Variants in ADAMTSL1 observed in about 807,000 individuals in gnomAD.
The protein encoded by ADAMTSL1 is ADAMTS-like protein 1.
Under a neutral mutation model 201.8 loss-of-function variants are expected in ADAMTSL1, and 126 were observed. The ratio of observed to expected loss-of-function variants is 0.62; its 90% confidence interval spans 0.54 to 0.72. ADAMTSL1 has a LOEUF of 0.72. Ranked by LOEUF, ADAMTSL1 falls within the 30% of genes least tolerant of loss-of-function variation. The pLI is 0.00. For synonymous variants in ADAMTSL1, 1,121 were observed against 903.4 expected (o/e 1.24, Z -4.32); for missense variants, 2,679 against 2,277.8 (o/e 1.18, Z -3.59).
In ADAMTSL1 at chr9:18,145,237, G is replaced by A. The variant is rs1044764031; in HGVS notation, c.88-18625G>A. On this transcript the variant is annotated intron_variant, in intron 1 of 29. Coordinates refer to the ADAMTSL1 transcript ENST00000680146. ...TATATTAGTAACAAAAGAGTTGAGC[G>A]TTCTTAAGCAATACCCCATAGGTAT... Among the ~76,000 whole-genome samples the A allele has an allele frequency of 2.6e-5, 4 of 152,138 alleles. No homozygotes were observed. The South Asian group carries it at 6.2e-4, about 24-fold the overall frequency.
At chr9:18,821,905 A>G (rs2163999) in intron 21 of ADAMTSL1, among the ~76,000 whole-genome samples, 101,456 of 151,878 alleles carry the variant, frequency 0.67, 34,472 homozygotes, top group Non-Finnish European at 0.74. Flanking sequence ...TTAAAAAAGA[A>G]TATTTTAGCA....
Position 18,826,416 on chromosome 9 carries a change from C to T in ADAMTSL1, c.4067C>T (p.Ala1356Val), listed in dbSNP as rs370388564. Residue 1356 changes from alanine to valine, a missense_variant, in exon 22 of 29, where the codon GCC becomes GTC. Coordinates refer to ENST00000380548, the MANE Select transcript of ADAMTSL1 (RefSeq NM_001040272.6). ...SDQGLYSCRA[A>V]NLHGELTEST... ...CAGGGCCTGTACTCCTGCAGGGCGG[C>T]CAATCTTCATGGAGAGCTGACTGAG... 1.9e-6 allele frequency: 3 copies of T among 1,613,716 alleles called. No individual in the cohort carries two copies. The African/African-American group carries it at 4.0e-5, about 22-fold the overall frequency.
chr9:18,568,838 G>A (rs1037808051), intron 3 of ADAMTSL1, among the ~76,000 whole-genome samples: 2 of 150,882 alleles, frequency 1.3e-5, no homozygotes, highest in Non-Finnish European at 2.9e-5. Context: ...AGCATTAATA[G>A]GATGGCACTC....
chr9:18,714,761 A>G (rs1246081069), intron 14 of ADAMTSL1, among the ~76,000 whole-genome samples: 6 of 152,130 alleles, frequency 3.9e-5, no homozygotes, highest in African/African-American at 1.4e-4. Context: ...GGCCAGTATC[A>G]TACTGATACC....
intron 13 of ADAMTSL1, among the ~76,000 whole-genome samples, chr9:18,690,658 T>G (rs1427837324): frequency 6.6e-6 from 1 of 152,188 alleles, no homozygotes; most frequent in Non-Finnish European, 1.5e-5. Flanking sequence ...ATTAGAATTA[T>G]AAGATTAAAG....
chr9:18,819,885 G>C (rs1359050552), intron 21 of ADAMTSL1, among the ~76,000 whole-genome samples: 1 of 152,226 alleles, frequency 6.6e-6, no homozygotes, highest in East Asian at 1.9e-4. Context: ...TGTGAGCTTA[G>C]TCTCCAGTTA....
chr9:18,787,758 A>C (rs980484452), intron 19 of ADAMTSL1, among the ~76,000 whole-genome samples: 6 of 152,172 alleles, frequency 3.9e-5, no homozygotes, highest in African/African-American at 1.4e-4. Flanking sequence ...TCTATATGCT[A>C]GTTTTCCAAT....
chr9:18,217,325 G>A (rs946660722), intron 2 of ADAMTSL1, among the ~76,000 whole-genome samples: 3 of 152,126 alleles, frequency 2.0e-5, no homozygotes, highest in African/African-American at 4.8e-5. Flanking sequence ...TGATTTGCCC[G>A]TGTGTTTTTT....
At chr9:18,529,800 A>G (rs1819322177) in intron 2 of ADAMTSL1, among the ~76,000 whole-genome samples, 1 of 152,156 alleles carries the variant, frequency 6.6e-6, no homozygotes, top group African/African-American at 2.4e-5. Flanking sequence ...AAAAAGTAAT[A>G]TATTAAAGGG....
rs191336811 is a variant in ADAMTSL1, at chr9:18,368,166, T to C, written c.208-136663T>C. Among the ~76,000 whole-genome samples the C allele has an allele frequency of 5.6e-3, 850 of 152,276 alleles. 8 individuals carry two copies. The highest frequency in any genetic ancestry group is 0.02 in the African/African-American group (822 of 41,562). On this transcript the variant is annotated intron_variant, in intron 2 of 29. Coordinates refer to the ADAMTSL1 transcript ENST00000680146. ...TCCTGACCTCGTGATCCGCCTGCCT[T>C]GGCCTCCCAAAGTGCTGCGATTACA...
chr9:18,717,253 T>A (rs958520411), intron 14 of ADAMTSL1, among the ~76,000 whole-genome samples: 2 of 120,262 alleles, frequency 1.7e-5, no homozygotes, highest in Non-Finnish European at 3.4e-5. Flanking sequence ...ATAATAATAA[T>A]AAATAAAATA....
chr9:18,097,363 A>G (rs1423906132), intron 1 of ADAMTSL1, among the ~76,000 whole-genome samples: 1 of 152,224 alleles, frequency 6.6e-6, no homozygotes, highest in Non-Finnish European at 1.5e-5. Context: ...TTTAGCAGTA[A>G]CACTGCTATT....
intron 2 of ADAMTSL1, among the ~76,000 whole-genome samples, chr9:18,232,168 C>T (rs1830667247): frequency 6.6e-6 from 1 of 152,166 alleles, no homozygotes; most frequent in African/African-American, 2.4e-5. Flanking sequence ...TATTCTTCTC[C>T]TCACTCACTC....
intron 15 of ADAMTSL1, among the ~76,000 whole-genome samples, chr9:18,737,180 G>A (rs1298033801): frequency 1.3e-5 from 2 of 151,946 alleles, no homozygotes; most frequent in Non-Finnish European, 2.9e-5. Flanking sequence ...TTAGCCGGGC[G>A]TGATGGCACA....
intron 1 of ADAMTSL1, among the ~76,000 whole-genome samples, chr9:17,980,601 G>A (rs566190719): frequency 6.6e-6 from 1 of 152,116 alleles, no homozygotes; most frequent in African/African-American, 2.4e-5. Flanking sequence ...TGGTGTGATG[G>A]GGTTGGGAGG....
At position 18,271,002 on chromosome 9, in the gene ADAMTSL1, G is replaced by A. The variant is rs557622535; in HGVS notation, c.207+107021G>A. On this transcript the variant is annotated intron_variant, in intron 2 of 29. Coordinates refer to the ADAMTSL1 transcript ENST00000680146. ...CTCAGAATGACCATGCTGGTGGGTGGTTGGAAGGCTACCCAACTGGGAGCA... is the reference window on the plus strand; with the variant it reads ...CTCAGAATGACCATGCTGGTGGGTGATTGGAAGGCTACCCAACTGGGAGCA... 7.2e-4 allele frequency among the ~76,000 whole-genome samples: 109 copies of A among 152,270 alleles called. No homozygotes were observed. In the South Asian group the frequency reaches 0.021, roughly 29 times the overall value.
At chr9:18,011,290 A>G (rs1243577855) in intron 1 of ADAMTSL1, among the ~76,000 whole-genome samples, 1 of 152,056 alleles carries the variant, frequency 6.6e-6, no homozygotes, top group Non-Finnish European at 1.5e-5. Context: ...TACTCTCATA[A>G]TCTTTGTCTC....
At chr9:18,076,181 C>A (rs1823216682) in intron 1 of ADAMTSL1, among the ~76,000 whole-genome samples, 1 of 152,126 alleles carries the variant, frequency 6.6e-6, no homozygotes, top group Non-Finnish European at 1.5e-5. Flanking sequence ...TGTTTCTTTT[C>A]TTTGTATGGA....
intron 1 of ADAMTSL1, among the ~76,000 whole-genome samples, chr9:18,086,813 C>A (rs188219756): frequency 6.6e-5 from 10 of 152,248 alleles, no homozygotes; most frequent in Admixed American, 6.5e-4. Flanking sequence ...ATGACTAAGT[C>A]ATGTTTTAAT....
Sources: gnomAD v4.1 joint callset for allele counts (sites outside exome capture counted in the v4.1 genomes callset) on GRCh38, gnomAD v4.1.1 for gene constraint, MANE v1.5 for transcripts, NCBI Gene and HGNC (gene_info 2026-07-23, HGNC 2026-07-21) for gene names.